The following INSL6 variants were observed in gnomAD, a reference collection of about 807,000 sequenced individuals.
The protein encoded by INSL6 is insulin-like peptide INSL6.
INSL6 carries 16 observed loss-of-function variants against 9.4 expected under a neutral mutation model. That is an observed-to-expected ratio of 1.70 (90% confidence interval 1.15 to 2.59). INSL6 has a LOEUF of 2.59. Among genes scored for constraint, INSL6 ranks in the 30% most tolerant of loss-of-function variants. The pLI is 0.00. For missense variants in INSL6, 391 were observed against 257.3 expected (o/e 1.52, Z -3.56); for synonymous variants, 154 against 96.9 (o/e 1.59, Z -3.46).
chr9:5,057,346 A>T, the INSL6 span, among the ~76,000 whole-genome samples: 1 of 151,760 alleles, frequency 6.6e-6, no homozygotes, highest in Non-Finnish European at 1.5e-5. Flanking sequence ...TTTTACTGTC[A>T]TTTTCCTCTT....
the INSL6 span, among the ~76,000 whole-genome samples, chr9:5,048,161 A>G: frequency 6.6e-6 from 1 of 150,768 alleles, no homozygotes; most frequent in Admixed American, 6.6e-5. Flanking sequence ...TTTTTTTTTG[A>G]GATGGAGTCT....
the INSL6 span, among the ~76,000 whole-genome samples, chr9:5,021,747 C>T: frequency 5.3e-5 from 8 of 152,140 alleles, no homozygotes; most frequent in African/African-American, 1.9e-4. Flanking sequence ...CGCTCCACTC[C>T]CAGAGTAGCT....
At position 5,172,505 on chromosome 9, in the gene INSL6, C is replaced by T. The variant is rs183508752; in HGVS notation, c.290-8240G>A. ...AACTTCTGCACAGCAAAAGAAACTA[C>T]CATCAGAGTGAACAGACAACCTACA... On this transcript the variant is annotated intron_variant, in intron 1 of 1. Transcript: ENST00000381641. 9.1e-4 allele frequency among the ~76,000 whole-genome samples: 138 copies of T among 152,278 alleles called. 1 individual carries two copies. The highest frequency in any genetic ancestry group is 3.2e-3 in the African/African-American group (131 of 41,554).
At position 5,144,482 on chromosome 9, in the gene INSL6, C is replaced by A. The variant is rs561646350; in HGVS notation, c.377-10890G>T. Among the ~76,000 whole-genome samples the A allele has an allele frequency of 5.9e-5, 9 of 151,810 alleles. No individual in the cohort carries two copies. The South Asian group carries it at 1.5e-3, about 25-fold the overall frequency. On this transcript the variant is annotated intron_variant, in intron 2 of 3. Transcript: ENST00000649639. Reference sequence around the variant, plus strand: ...GAGATGAATGTATATTCTGTTGTTTCGGGGTATCTATGAGGATCCATTTGA... The same window carrying A: ...GAGATGAATGTATATTCTGTTGTTTAGGGGTATCTATGAGGATCCATTTGA...
chr9:5,092,975 C>G, the INSL6 span, among the ~76,000 whole-genome samples: 3 of 152,094 alleles, frequency 2.0e-5, no homozygotes, highest in African/African-American at 7.2e-5. Flanking sequence ...CCAAAAGCAG[C>G]CAACAATTAA....
At chr9:5,180,580 A>G (rs1052824445) in intron 1 of INSL6, among the ~76,000 whole-genome samples, 10 of 152,154 alleles carry the variant, frequency 6.6e-5, no homozygotes, top group Admixed American at 2.6e-4. Context: ...TGTCGTTGAC[A>G]TAAGGACTGA....
the INSL6 span, chr9:5,078,299 C>G: frequency 6.2e-7 from 1 of 1,608,944 alleles, no homozygotes; most frequent in Non-Finnish European, 8.5e-7. Context: ...GCGTTTAACT[C>G]TAATAGGAAG....
the INSL6 span, among the ~76,000 whole-genome samples, chr9:5,010,021 C>T: frequency 6.6e-6 from 1 of 152,176 alleles, no homozygotes; most frequent in Non-Finnish European, 1.5e-5. Flanking sequence ...ATCCTCTCGC[C>T]TTGGACTTCC....
At chr9:5,096,928 C>G in the INSL6 span, 1 of 152,078 alleles carries the variant, frequency 6.6e-6, no homozygotes, top group African/African-American at 2.4e-5. Flanking sequence ...CTGATAATTG[C>G]TGCCCCTGAT....
chr9:5,047,515 G>A, the INSL6 span, among the ~76,000 whole-genome samples: 1 of 152,144 alleles, frequency 6.6e-6, no homozygotes. Flanking sequence ...AACAACAATT[G>A]GATGTTTACC....
At chr9:5,145,050 C>G (rs755008277) in intron 2 of INSL6, among the ~76,000 whole-genome samples, 1 of 152,176 alleles carries the variant, frequency 6.6e-6, no homozygotes, top group African/African-American at 2.4e-5. Flanking sequence ...GTGATTGCTT[C>G]ATAGTATTAC....
At chr9:5,131,351 G>C (rs113584134) in intron 3 of INSL6, among the ~76,000 whole-genome samples, 2 of 149,040 alleles carry the variant, frequency 1.3e-5, no homozygotes, top group Non-Finnish European at 3.0e-5. Context: ...TTTTATTAGA[G>C]AAAAAAAGTT....
At chr9:5,078,462 T>C in the INSL6 span, 1 of 1,601,180 alleles carries the variant, frequency 6.2e-7, no homozygotes, top group Non-Finnish European at 8.5e-7. Flanking sequence ...CTAGAAGGAT[T>C]ATATATAATG....
At chr9:5,063,296 G>T in the INSL6 span, among the ~76,000 whole-genome samples, 51,372 of 152,034 alleles carry the variant, frequency 0.34, 9,252 homozygotes, top group African/African-American at 0.47. Context: ...CTGTAAAGTA[G>T]TGGACTTCTC....
chr9:5,013,067 A>G, the INSL6 span, among the ~76,000 whole-genome samples: 2 of 152,246 alleles, frequency 1.3e-5, no homozygotes, highest in African/African-American at 4.8e-5. Flanking sequence ...TAGGGGTGAA[A>G]AAAGAGAAGA....
At chr9:5,184,147 T>C (rs900686342) in intron 1 of INSL6, among the ~76,000 whole-genome samples, 2 of 152,240 alleles carry the variant, frequency 1.3e-5, no homozygotes, top group African/African-American at 2.4e-5. Context: ...ATAAATTCTA[T>C]TCATTCATTC....
the INSL6 span, among the ~76,000 whole-genome samples, chr9:5,117,773 T>G: frequency 6.6e-6 from 1 of 152,148 alleles, no homozygotes; most frequent in African/African-American, 2.4e-5. Context: ...CCTCAGTAAT[T>G]TTTAAGAGTA....
downstream of INSL6, among the ~76,000 whole-genome samples, chr9:5,163,015 G>T (rs1824960255): frequency 6.6e-6 from 1 of 152,180 alleles, no homozygotes; most frequent in African/African-American, 2.4e-5. Context: ...TCTATATTGA[G>T]TTGAGATATG....
At chr9:5,022,031 C>A in the INSL6 span, 1 of 1,614,108 alleles carries the variant, frequency 6.2e-7, no homozygotes, top group South Asian at 1.1e-5. Context: ...GAGGGAACAT[C>A]CACCTCTTCT....
Sources: gnomAD v4.1 joint callset for allele counts (sites outside exome capture counted in the v4.1 genomes callset) on GRCh38, gnomAD v4.1.1 for gene constraint, MANE v1.5 for transcripts, NCBI Gene and HGNC (gene_info 2026-07-23, HGNC 2026-07-21) for gene names.